The following ASS1 variants were observed in gnomAD, a reference collection of about 807,000 sequenced individuals.
The protein encoded by ASS1 is argininosuccinate synthase 1.
In ASS1, 58 loss-of-function variants were observed where a neutral mutation model predicts 60.5. The observed-to-expected ratio is 0.96, with a 90% CI of 0.78 to 1.19. The LOEUF (loss-of-function observed/expected upper bound fraction) is 1.19, where lower values mean the gene tolerates loss of function less well. ASS1 is among the 50% of genes most tolerant of loss of function. The probability of loss-of-function intolerance (pLI) is 0.00; values close to 1 mark genes in which losing one functional copy is unlikely to be tolerated. For synonymous variants in ASS1, 200 were observed against 206.9 expected (o/e 0.97, Z 0.29); for missense variants, 454 against 547.3 (o/e 0.83, Z 1.70).
At position 130,458,611 on chromosome 9, in the gene ASS1, G is replaced by C. The variant is rs760681719; in HGVS notation, c.363+22G>C. ...AAAGGTGAGGCACCTGGGAAGGGCC[G>C]GGCAGAGGGAGATGGAGGCGGAGGG... On this transcript the variant is annotated intron_variant, in intron 4 of 14. Transcript: ENST00000352480. 14 of 1,608,422 alleles carry C rather than the reference G, an allele frequency of 8.7e-6. No homozygotes were observed. The South Asian group carries it at 1.5e-4, about 18-fold the overall frequency.
At chr9:130,445,642 G>A (rs1588465938) in intron 1 of ASS1, among the ~76,000 whole-genome samples, 1 of 152,310 alleles carries the variant, frequency 6.6e-6, no homozygotes, top group South Asian at 2.1e-4. Flanking sequence ...CTCTGTGGGA[G>A]GGGCAGTGCC....
upstream of ASS1, among the ~76,000 whole-genome samples, chr9:130,444,740 G>A (rs2071367): frequency 6.6e-6 from 1 of 151,654 alleles, no homozygotes; most frequent in Non-Finnish European, 1.5e-5. The surrounding 1 kb of genome is among the most constrained non-coding windows in gnomAD (Gnocchi z 4.7). Flanking sequence ...AGCCGGCGCC[G>A]GGCCCAGGCC....
At position 130,485,408 on chromosome 9, in the gene ASS1, AGCCAAGCTGGGCACCTTCTGTAAAG is replaced by A. The variant is rs373285099; in HGVS notation, c.839-3910_839-3886del. 9.3e-3 allele frequency among the ~76,000 whole-genome samples: 1,413 copies of A among 152,204 alleles called. 20 individuals are homozygous for A. The highest frequency in any genetic ancestry group is 0.032 in the African/African-American group (1,325 of 41,534). On this transcript the variant is annotated intron_variant, in intron 11 of 14. Transcript: ENST00000352480. Reference sequence around the variant, plus strand: ...GAGACCGGCCAAAGTCACACAGCAAAGCCAAGCTGGGCACCTTCTGTAAAGGCCAAGCTGGGCACTTTCTGTAAAG... The same window carrying A: ...GAGACCGGCCAAAGTCACACAGCAAAGCCAAGCTGGGCACTTTCTGTAAAG...
At chr9:130,468,185 G>C (rs1588484567) in intron 6 of ASS1, among the ~76,000 whole-genome samples, 1 of 152,188 alleles carries the variant, frequency 6.6e-6, no homozygotes, top group Admixed American at 6.5e-5. Flanking sequence ...GCAGTGATGA[G>C]GCCTCCTCCA....
chr9:130,485,856 G>T (rs780493547), intron 11 of ASS1, among the ~76,000 whole-genome samples: 1 of 152,144 alleles, frequency 6.6e-6, no homozygotes, highest in African/African-American at 2.4e-5. Flanking sequence ...GAACTTTATC[G>T]TTATATCTGC....
In ASS1 at chr9:130,470,165, C is replaced by T. The variant is rs1231305528; in HGVS notation, c.496-669C>T. 2.0e-5 allele frequency among the ~76,000 whole-genome samples: 3 copies of T among 152,226 alleles called. No homozygotes were observed. Among genetic ancestry groups the T allele is most frequent in the Non-Finnish European group, 4.4e-5 (3 of 68,030 alleles). On this transcript the variant is annotated intron_variant, in intron 6 of 14. Transcript: ENST00000352480. This position sits in a 1 kb window ranked among gnomAD's most constrained non-coding sequence, Gnocchi z 4.3. ...AGGTGGGCCTTCCATGCGTGACCTG[C>T]AGCCCTCTTAGCCTGGGCCTCCTGG...
Position 130,459,556 on chromosome 9 carries a change from T to A in ASS1, c.363+967T>A, listed in dbSNP as rs1845536877. The stretch of plus-strand genomic sequence containing the variant: ...AAGCAATTCTCCTGCCTCAGCCTCC[T>A]GAGTAGCTGGGATTACAGGTGTGTA... On this transcript the variant is annotated intron_variant, in intron 4 of 14. Coordinates refer to ENST00000352480, the MANE Select transcript of ASS1 (RefSeq NM_054012.4). This position sits in a 1 kb window ranked among gnomAD's most constrained non-coding sequence, Gnocchi z 4.6. Among the ~76,000 whole-genome samples, 2 of 152,084 alleles carry A rather than the reference T, an allele frequency of 1.3e-5. No individual in the cohort carries two copies. Among genetic ancestry groups the A allele is most frequent in the African/African-American group, 4.8e-5 (2 of 41,418 alleles).
At chr9:130,480,886 G>A (rs2118843572) in intron 11 of ASS1, among the ~76,000 whole-genome samples, 1 of 152,368 alleles carries the variant, frequency 6.6e-6, no homozygotes, top group Non-Finnish European at 1.5e-5. Flanking sequence ...GGCTGCACAG[G>A]CACTGGGAGC....
chr9:130,484,897 G>A (rs527640572), intron 11 of ASS1, among the ~76,000 whole-genome samples: 25 of 152,108 alleles, frequency 1.6e-4, no homozygotes, highest in Admixed American at 4.6e-4. Flanking sequence ...TAACACTTTC[G>A]AAGAAAAGGA....
chr9:130,462,540 C>T (rs556136122), intron 4 of ASS1, among the ~76,000 whole-genome samples: 51 of 152,210 alleles, frequency 3.4e-4, no homozygotes, highest in African/African-American at 1.2e-3. Flanking sequence ...GATGGGTGTC[C>T]GCATGGCAGC....
chr9:130,467,366 C>T (rs1387175725), intron 6 of ASS1, among the ~76,000 whole-genome samples: 3 of 152,170 alleles, frequency 2.0e-5, no homozygotes, highest in South Asian at 2.1e-4. Context: ...GATCCTTAGC[C>T]GCTCCCCAGG....
chr9:130,457,722 T>G (rs149293124), intron 3 of ASS1, among the ~76,000 whole-genome samples: 1,608 of 152,176 alleles, frequency 0.011, 15 homozygotes, highest in Non-Finnish European at 0.014. Context: ...TACTTCCAAA[T>G]GCCTCCCCTA....
intron 1 of ASS1, among the ~76,000 whole-genome samples, chr9:130,451,394 C>G (rs1028109341): frequency 2.0e-5 from 3 of 152,182 alleles, no homozygotes. Flanking sequence ...CGCCTTCCCT[C>G]CCTGGGCCTC....
chr9:130,461,477 G>T (rs1188005716), intron 4 of ASS1, among the ~76,000 whole-genome samples: 1 of 152,160 alleles, frequency 6.6e-6, no homozygotes, highest in Admixed American at 6.5e-5. Flanking sequence ...CGCCCCCCAA[G>T]CTAGTGCTAT....
chr9:130,463,969 G>C, intron 4 of ASS1, 142 bp from the exon 5 acceptor site: 1 of 846,072 alleles, frequency 1.2e-6, no homozygotes, highest in South Asian at 1.4e-5. Flanking sequence ...ACACATACAC[G>C]ACCTACACTG....
intron 14 of ASS1, among the ~76,000 whole-genome samples, chr9:130,500,612 G>T (rs1468042181): frequency 6.6e-6 from 1 of 151,794 alleles, no homozygotes; most frequent in Admixed American, 6.6e-5. Flanking sequence ...CTTCCCCTCC[G>T]TCACCTCCAC....
At chr9:130,445,711 A>C (rs7042129) in intron 1 of ASS1, among the ~76,000 whole-genome samples, 2,916 of 152,248 alleles carry the variant, frequency 0.019, 92 homozygotes, top group African/African-American at 0.066. Context: ...TGCGCCCTCC[A>C]GGGAGGCAGG....
chr9:130,491,861 A>AG lies in ASS1; in HGVS notation c.970+2400dup, dbSNP rs1441412395. 6.6e-6 allele frequency among the ~76,000 whole-genome samples: 1 copy of AG among 152,212 alleles called. No homozygotes were observed. Among genetic ancestry groups the AG allele is most frequent in the African/African-American group, 2.4e-5 (1 of 41,458 alleles). ...ACTTTGCCCTGGTCCGCTGACATGC[A>AG]GGGCCCCACAAACATCAAGATCGGC... is the stretch of plus-strand genomic sequence containing the variant. On this transcript the variant is annotated intron_variant, in intron 12 of 14. Coordinates refer to ENST00000352480, the MANE Select transcript of ASS1 (RefSeq NM_054012.4). The surrounding 1 kb of genome is among the most constrained non-coding windows in gnomAD (Gnocchi z 5.3).
At position 130,464,096 on chromosome 9, in the gene ASS1, TG is replaced by T; in HGVS notation, c.364-14del. ...CATCCTGTGGCTCCTGACAGCCCTC[TG>T]TTCTGCATTGCAGGGGAACGATCAG... On this transcript the variant is annotated splice_polypyrimidine_tract_variant and intron_variant, in intron 4 of 14. Coordinates refer to ENST00000352480, the MANE Select transcript of ASS1 (RefSeq NM_054012.4). The T allele has an allele frequency of 6.2e-7, 1 of 1,614,140 alleles. No homozygotes were observed. Among genetic ancestry groups the T allele is most frequent in the Non-Finnish European group, 8.5e-7 (1 of 1,180,006 alleles).
Sources: allele counts gnomAD v4.1 joint callset (sites outside exome capture counted in the v4.1 genomes callset), GRCh38; gene constraint gnomAD v4.1.1; non-coding constraint Gnocchi (gnomAD v3.1); transcripts MANE v1.5; gene names NCBI Gene and HGNC (gene_info 2026-07-23, HGNC 2026-07-21).